The following SINHCAF variants were observed in gnomAD, a reference collection of about 807,000 sequenced individuals.
SINHCAF encodes SIN3-HDAC complex associated factor.
In SINHCAF, 3 loss-of-function variants were observed where a neutral mutation model predicts 25.8. The observed-to-expected ratio is 0.12, with a 90% CI of 0.05 to 0.30. The LOEUF is 0.30. Ranked by LOEUF, SINHCAF falls within the 10% of genes least tolerant of loss-of-function variation. SINHCAF has a pLI of 1.00. For missense variants in SINHCAF, 121 were observed against 262.3 expected (o/e 0.46, Z 3.72); for synonymous variants, 70 against 85.5 (o/e 0.82, Z 1.00).
intron 2 of SINHCAF, chr12:31,297,193 T>C (rs887226144): frequency 7.6e-6 from 2 of 262,448 alleles, no homozygotes; most frequent in African/African-American, 2.3e-5. Flanking sequence ...GTGCCAACCA[T>C]GCATGCCTTT....
intron 5 of SINHCAF, among the ~76,000 whole-genome samples, chr12:31,283,368 T>G (rs1437147780): frequency 6.6e-6 from 1 of 152,088 alleles, no homozygotes; most frequent in African/African-American, 2.4e-5. Flanking sequence ...TTTGGGAGGC[T>G]GAGGTGGGCA....
chr12:31,292,618 T>C (rs987681726), intron 4 of SINHCAF, among the ~76,000 whole-genome samples: 2 of 152,108 alleles, frequency 1.3e-5, no homozygotes, highest in African/African-American at 4.8e-5. Flanking sequence ...AAAATACATA[T>C]ACAAATTTAT....
Position 31,281,103 on chromosome 12 carries a change from C to T in SINHCAF, c.*1609G>A, listed in dbSNP as rs1013548872. ...ATTATACTATCCAATTTTTAAAATGCAGTTTAAAAAATAAGCACTGAGTCT... is the reference window on the plus strand; with the variant it reads ...ATTATACTATCCAATTTTTAAAATGTAGTTTAAAAAATAAGCACTGAGTCT... On this transcript the variant is annotated 3_prime_UTR_variant, in exon 6 of 6. Coordinates refer to ENST00000337682, the MANE Select transcript of SINHCAF (RefSeq NM_001135812.2). The T allele has an allele frequency of 2.6e-5, 4 of 152,140 alleles. No homozygotes were observed. The highest frequency in any genetic ancestry group is 9.7e-5 in the African/African-American group (4 of 41,438). 9.4% of individuals were successfully genotyped at this position (152,140 alleles called of 1,614,324 possible).
chr12:31,303,271 C>T (rs1938881212), intron 1 of SINHCAF: 2 of 942,070 alleles, frequency 2.1e-6, no homozygotes, highest in Non-Finnish European at 1.3e-6. Flanking sequence ...CTTTAGAGAA[C>T]ACAAATGATC....
Position 31,282,218 on chromosome 12 carries a change from C to T in SINHCAF, c.*494G>A, listed in dbSNP as rs1393829657. On this transcript the variant is annotated 3_prime_UTR_variant, in exon 6 of 6. Transcript: ENST00000337682. ...AGAAGGGGATTAAAAAAAAAAAAGA[C>T]TTAAAGAGCACTTTACAGCAGCATT... 2 of 152,236 alleles carry T rather than the reference C, an allele frequency of 1.3e-5. No individual in the cohort carries two copies. Among genetic ancestry groups the T allele is most frequent in the Non-Finnish European group, 2.9e-5 (2 of 68,000 alleles). The allele number at this position is 152,236 out of a possible 1,614,324, so 9.4% of individuals were successfully genotyped here.
chr12:31,282,642 T>G lies in SINHCAF; in HGVS notation c.*70A>C. 7.4e-7 allele frequency: 1 copy of G among 1,348,080 alleles called. No homozygotes were observed. The highest frequency in any genetic ancestry group is 1.0e-6 in the Non-Finnish European group (1 of 996,018). The allele number at this position is 1,348,080 out of a possible 1,614,324, so 83.5% of individuals were successfully genotyped here. On this transcript the variant is annotated 3_prime_UTR_variant, in exon 6 of 6. Coordinates refer to ENST00000337682, the MANE Select transcript of SINHCAF (RefSeq NM_001135812.2). ...CGTCTCAAAAAAAAAAGAGGGTCAG[T>G]TTGTAGCTTTGTGGTTTTTCAAAAT...
At chr12:31,289,800 GTT>G (rs11303569) in intron 4 of SINHCAF, among the ~76,000 whole-genome samples, 2,553 of 146,408 alleles carry the variant, frequency 0.017, 65 homozygotes, top group African/African-American at 0.057. Context: ...GAAAATTTGG[GTT>G]TTTTTTTTTT....
intron 4 of SINHCAF, among the ~76,000 whole-genome samples, chr12:31,291,964 C>T (rs79493234): frequency 0.012 from 1,739 of 149,044 alleles, 16 homozygotes; most frequent in East Asian, 0.038. Flanking sequence ...CTGTTTCAGT[C>T]TGAGCCTCCA....
chr12:31,304,749 G>A (rs1391394825), intron 1 of SINHCAF: 1 of 152,176 alleles, frequency 6.6e-6, no homozygotes, highest in Non-Finnish European at 1.5e-5. Flanking sequence ...GACAAATCCA[G>A]CAATCTGAGA....
Position 31,298,403 on chromosome 12 carries a change from G to A in SINHCAF, c.-20-179C>T, listed in dbSNP as rs571328034. The A allele has an allele frequency of 9.2e-4, 543 of 593,188 alleles. 8 individuals carry two copies. The highest frequency in any genetic ancestry group is 9.1e-3 in the South Asian group (465 of 50,866). 36.7% of individuals were successfully genotyped at this position (593,188 alleles called of 1,614,324 possible). ...CATTCTTGGCACTATCAAGGCAAGC[G>A]TATAAAACACAAAGAAAAGCCTAGT... On this transcript the variant is annotated intron_variant, in intron 1 of 5. Coordinates refer to ENST00000337682, the MANE Select transcript of SINHCAF (RefSeq NM_001135812.2).
rs1039187572 is a variant in SINHCAF at position 31,314,477 on chromosome 12, G to A, written c.-21+11547C>T. Among the ~76,000 whole-genome samples the A allele has an allele frequency of 1.6e-4, 25 of 152,112 alleles. No homozygotes were observed. In the South Asian group the frequency reaches 3.9e-3, roughly 24 times the overall value. On this transcript the variant is annotated intron_variant, in intron 1 of 5. Transcript: ENST00000337682. ...GGAGGCGGAGTTTGCAGTGAGCCGA[G>A]ATCGCGCCATTGCACTCCAGCCTGG...
At chr12:31,313,484 T>C (rs1939363830) in intron 1 of SINHCAF, among the ~76,000 whole-genome samples, 1 of 152,272 alleles carries the variant, frequency 6.6e-6, no homozygotes. Flanking sequence ...GATAAGTCTT[T>C]CAACTTTATT....
At chr12:31,319,997 G>A (rs1340134645) in intron 1 of SINHCAF, among the ~76,000 whole-genome samples, 2 of 152,140 alleles carry the variant, frequency 1.3e-5, no homozygotes, top group East Asian at 1.9e-4. Context: ...TTATTGTGAA[G>A]TCCTTAGAAA....
In SINHCAF at chr12:31,325,088, A is replaced by G; in HGVS notation, c.-21+936T>C. ...AAGCAGTGCCCTGCGGAGTTCACTG[A>G]CTCCCGCGGCGTACACAACGCCGCC... is the stretch of plus-strand genomic sequence containing the variant. On this transcript the variant is annotated intron_variant, in intron 1 of 5. Transcript: ENST00000337682. This position sits in a 1 kb window ranked among gnomAD's most constrained non-coding sequence, Gnocchi z 5.9. 2.2e-6 allele frequency: 1 copy of G among 456,542 alleles called. No individual in the cohort carries two copies. Among genetic ancestry groups the G allele is most frequent in the Non-Finnish European group, 4.4e-6 (1 of 226,922 alleles). 28.3% of individuals were successfully genotyped at this position (456,542 alleles called of 1,614,324 possible).
At chr12:31,322,919 T>C (rs1236419131) in intron 1 of SINHCAF, among the ~76,000 whole-genome samples, 1 of 152,158 alleles carries the variant, frequency 6.6e-6, no homozygotes, top group African/African-American at 2.4e-5. Context: ...TTTTGAGCTA[T>C]GCCTGGGGCC....
At chr12:31,291,788 A>G (rs1201782816) in intron 4 of SINHCAF, among the ~76,000 whole-genome samples, 3 of 101,270 alleles carry the variant, frequency 3.0e-5, no homozygotes, top group East Asian at 5.0e-4. Flanking sequence ...AAAAAAAAAA[A>G]GAAAGAAAGA....
At chr12:31,313,066 C>T (rs568637383) in intron 1 of SINHCAF, among the ~76,000 whole-genome samples, 1 of 152,272 alleles carries the variant, frequency 6.6e-6, no homozygotes, top group African/African-American at 2.4e-5. Context: ...CTCTCGTTGC[C>T]CAGGCTGGAG....
intron 1 of SINHCAF, 75 bp from the exon 2 acceptor site, chr12:31,298,299 C>T (rs1207594006): frequency 1.3e-6 from 2 of 1,559,268 alleles, no homozygotes; most frequent in Non-Finnish European, 1.8e-6. Flanking sequence ...CTCTCTGCTC[C>T]ACCCCACCCC....
chr12:31,302,792 C>G (rs1938861440), intron 1 of SINHCAF: 1 of 298,378 alleles, frequency 3.4e-6, no homozygotes, highest in Non-Finnish European at 4.9e-6. Context: ...ATCTCAGGGT[C>G]TGGCGGAAGG....
Sources: gnomAD v4.1 joint callset for allele counts (sites outside exome capture counted in the v4.1 genomes callset) on GRCh38, gnomAD v4.1.1 for gene constraint, Gnocchi (gnomAD v3.1) non-coding constraint, MANE v1.5 for transcripts, NCBI Gene and HGNC (gene_info 2026-07-23, HGNC 2026-07-21) for gene names.